The following MED23 variants were observed in gnomAD, a reference collection of about 807,000 sequenced individuals.
MED23 encodes mediator of RNA polymerase II transcription subunit 23.
MED23 carries 105 observed loss-of-function variants against 163.9 expected under a neutral mutation model. The ratio of observed to expected loss-of-function variants is 0.64; its 90% confidence interval spans 0.55 to 0.75. The LOEUF is 0.75. Among genes scored for constraint, MED23 ranks in the 30% least tolerant of loss-of-function variants. The pLI is 0.00. For missense variants in MED23, 1,054 were observed against 1,649.0 expected (o/e 0.64, Z 6.25); for synonymous variants, 561 against 565.6 (o/e 0.99, Z 0.12).
exon 31 of MED23, chr6:131,574,139 T>A (rs1327837133): frequency 2.2e-6 from 2 of 901,506 alleles, no homozygotes; most frequent in African/African-American, 1.6e-5. Flanking sequence ...TCAACACGCA[T>A]CTGTGCTTAA....
intron 12 of MED23, 134 bp from the exon 13 acceptor site, chr6:131,606,758 A>C (rs1387015026): frequency 1.3e-6 from 1 of 799,858 alleles, no homozygotes; most frequent in African/African-American, 1.7e-5. Flanking sequence ...CGATAATTCA[A>C]TAATACAAAT....
rs1178560569 is a variant in MED23 at position 131,591,522 on chromosome 6, T to C, written c.3477A>G (p.Pro1159=). ...IGLIITALPE[P]YWIVLHDRIV... ...TTCGATCATGAAGAACAATCCAATATGGCTCCTTTAAAATCGGAGGAAAGC... is the reference window on the plus strand; with the variant it reads ...TTCGATCATGAAGAACAATCCAATACGGCTCCTTTAAAATCGGAGGAAAGC... The change falls in exon 26 of 29, where the codon CCA becomes CCG. Residue 1159 remains proline (P), a synonymous_variant. Coordinates refer to ENST00000368068, the MANE Select transcript of MED23 (RefSeq NM_004830.4). 5 of 1,611,828 alleles carry C rather than the reference T, an allele frequency of 3.1e-6. No individual in the cohort carries two copies. The highest frequency in any genetic ancestry group is 3.3e-5 in the Admixed American group (2 of 60,018).
rs1264049755 is a variant in MED23, at chr6:131,628,168, C to T, written c.-119G>A. ...GGAGGAAACCGTAGCTCCTCGGCGT[C>T]GCTTCCTCCCCCAGCGCTTTACCTG... On this transcript the variant is annotated 5_prime_UTR_variant, in exon 1 of 29. Transcript: ENST00000368068. 9.4e-6 allele frequency: 11 copies of T among 1,173,228 alleles called. No individual in the cohort carries two copies. The African/African-American group carries it at 1.5e-4, about 16-fold the overall frequency. 72.7% of individuals were successfully genotyped at this position (1,173,228 alleles called of 1,614,324 possible). A position where few individuals can be genotyped will look rare whatever the true frequency, so the allele number is the denominator to read the frequency against.
rs187855396 is a variant in MED23, at chr6:131,578,585, T to C, written c.4096-4290A>G. On this transcript the variant is annotated intron_variant, in intron 30 of 30. Coordinates refer to the MED23 transcript ENST00000354577. ...ATATTCACATATTCTTATTTATTTATGATAATACCACTATGAGGCAGGTTC... is the reference window on the plus strand; with the variant it reads ...ATATTCACATATTCTTATTTATTTACGATAATACCACTATGAGGCAGGTTC... 1.6e-4 allele frequency among the ~76,000 whole-genome samples: 25 copies of C among 152,296 alleles called. 1 individual carries two copies. In the East Asian group the frequency reaches 4.8e-3, roughly 29 times the overall value.
upstream of MED23, chr6:131,628,309 T>A (rs1283431404): frequency 9.4e-6 from 5 of 534,506 alleles, no homozygotes; most frequent in Non-Finnish European, 1.7e-5. Context: ...GAAGGTTCCG[T>A]CTGTGGAGAA....
intron 17 of MED23, among the ~76,000 whole-genome samples, chr6:131,601,503 T>A (rs1034398957): frequency 1.3e-5 from 2 of 152,220 alleles, no homozygotes; most frequent in African/African-American, 4.8e-5. Context: ...GGTTTTGGAT[T>A]CCATATTGCA....
chr6:131,602,970 C>T, intron 16 of MED23, 60 bp downstream of exon 16: 1 of 1,530,154 alleles, frequency 6.5e-7, no homozygotes, highest in Non-Finnish European at 9.1e-7. Context: ...GGATTAAGAA[C>T]CTCATCTCCA....
At chr6:131,619,918 G>A (rs1351155304) in intron 7 of MED23, 22 bp from the exon 8 acceptor site, 3 of 1,546,136 alleles carry the variant, frequency 1.9e-6, no homozygotes, top group East Asian at 2.3e-5. Flanking sequence ...AAGAAAGAGG[G>A]AAGTCAAATA....
In MED23 at chr6:131,606,745, C is replaced by A. The variant is rs1035393435; in HGVS notation, c.1222-121G>T. ...TTTAGCATATCATGTCTTACTTTAG[C>A]CCCGATAATTCAATAATACAAATCA... On this transcript the variant is annotated intron_variant, in intron 12 of 28. Coordinates refer to ENST00000368068, the MANE Select transcript of MED23 (RefSeq NM_004830.4). 1.2e-5 allele frequency: 11 copies of A among 884,276 alleles called. No homozygotes were observed. In the East Asian group the frequency reaches 2.9e-4, roughly 24 times the overall value. The allele number at this position is 884,276 out of a possible 1,614,324, so 54.8% of individuals were successfully genotyped here. A position where few individuals can be genotyped will look rare whatever the true frequency, so the allele number is the denominator to read the frequency against.
chr6:131,620,961 C>T (rs1378599962), intron 6 of MED23, among the ~76,000 whole-genome samples: 1 of 152,018 alleles, frequency 6.6e-6, no homozygotes, highest in African/African-American at 2.4e-5. Context: ...TGCCAGCAGG[C>T]CCGGCTAACT....
intron 8 of MED23, 93 bp downstream of exon 8, chr6:131,619,734 G>A (rs1776947179): frequency 5.3e-6 from 5 of 948,756 alleles, no homozygotes; most frequent in South Asian, 1.3e-5. Context: ...AAGCCACCAA[G>A]GCACATATTA....
intron 30 of MED23, chr6:131,579,271 G>GGGC (rs772521719): frequency 6.2e-7 from 1 of 1,614,044 alleles, no homozygotes; most frequent in South Asian, 1.1e-5. Context: ...GCCTGGTGCT[G>GGGC]GGCGGAGACC....
At chr6:131,586,494 T>C (rs943500926), downstream of MED23, among the ~76,000 whole-genome samples, 2 of 152,196 alleles carry the variant, frequency 1.3e-5, no homozygotes, top group African/African-American at 4.8e-5. Flanking sequence ...AATGATTTAG[T>C]GATGGCAATT....
chr6:131,584,038 T>G (rs1774078413), downstream of MED23: 3 of 1,005,958 alleles, frequency 3.0e-6, no homozygotes, highest in East Asian at 8.0e-5. Context: ...TAGTATAAAC[T>G]CTACAAATTC....
At chr6:131,582,996 A>G (rs1774012929), downstream of MED23, 5 of 1,174,284 alleles carry the variant, frequency 4.3e-6, no homozygotes, top group East Asian at 2.6e-5. Context: ...TATTTCCCTT[A>G]AAAGGAGACA....
downstream of MED23, chr6:131,586,615 A>G: frequency 2.3e-6 from 1 of 440,870 alleles, no homozygotes; most frequent in Non-Finnish European, 3.3e-6. Flanking sequence ...TGTAACTCTT[A>G]ATTCCTAGGC....
chr6:131,619,905 AG>A lies in MED23; in HGVS notation c.598-10del. ...ACTAGGTTTCCAAGTAACTAAAGAG[AG>A]AAAGAAAGAGGGAAGTCAAATAAAT... On this transcript the variant is annotated splice_polypyrimidine_tract_variant and intron_variant, in intron 7 of 28. Coordinates refer to ENST00000368068, the MANE Select transcript of MED23 (RefSeq NM_004830.4). 5 of 1,592,840 alleles carry A rather than the reference AG, an allele frequency of 3.1e-6. No individual in the cohort carries two copies. The highest frequency in any genetic ancestry group is 4.3e-6 in the Non-Finnish European group (5 of 1,161,826).
intron 22 of MED23, 43 bp downstream of exon 22, chr6:131,595,904 A>G (rs1250391910): frequency 1.4e-6 from 2 of 1,434,078 alleles, no homozygotes; most frequent in Non-Finnish European, 2.0e-6. Context: ...CCTACTTTTG[A>G]TAATGGAGGT....
At chr6:131,609,740 A>G (rs1400587266) in intron 11 of MED23, among the ~76,000 whole-genome samples, 1 of 143,438 alleles carries the variant, frequency 7.0e-6, no homozygotes, top group Non-Finnish European at 1.5e-5. Context: ...ATACATATAT[A>G]TATATGTATA....
Sources: allele counts gnomAD v4.1 joint callset (sites outside exome capture counted in the v4.1 genomes callset), GRCh38; gene constraint gnomAD v4.1.1; transcripts MANE v1.5; gene names NCBI Gene and HGNC (gene_info 2026-07-23, HGNC 2026-07-21).